Variants in NUDT3 observed in about 807,000 individuals in gnomAD.
The protein encoded by NUDT3 is nudix hydrolase 3, also known as diphosphoinositol polyphosphate phosphohydrolase 1.
Under a neutral mutation model 23.6 loss-of-function variants are expected in NUDT3, and 9 were observed. The observed-to-expected ratio is 0.38, with a 90% confidence interval of 0.23 to 0.66. The LOEUF is 0.66. NUDT3 is among the 30% of genes least tolerant of loss of function. The pLI is 0.52. For missense variants in NUDT3, 172 were observed against 218.5 expected (o/e 0.79, Z 1.34); for synonymous variants, 86 against 82.6 (o/e 1.04, Z -0.22).
At chr6:34,388,301 T>C (rs930987640) in intron 1 of NUDT3, among the ~76,000 whole-genome samples, 3 of 152,212 alleles carry the variant, frequency 2.0e-5, no homozygotes, top group African/African-American at 7.2e-5. Flanking sequence ...TTTCATCTCT[T>C]TTTCTTCACA....
chr6:34,347,650 T>C (rs1248399414), intron 1 of NUDT3, among the ~76,000 whole-genome samples: 1 of 152,212 alleles, frequency 6.6e-6, no homozygotes. Flanking sequence ...AGGAACACCA[T>C]TGTTTTATTT....
At chr6:34,312,150 C>A (rs1361769256) in intron 2 of NUDT3, among the ~76,000 whole-genome samples, 2 of 152,004 alleles carry the variant, frequency 1.3e-5, no homozygotes, top group Non-Finnish European at 2.9e-5. Flanking sequence ...ACCTGTAATC[C>A]CAGTACTTTG....
At chr6:34,388,573 C>T (rs934533318) in intron 1 of NUDT3, among the ~76,000 whole-genome samples, 1 of 152,108 alleles carries the variant, frequency 6.6e-6, no homozygotes, top group Non-Finnish European at 1.5e-5. Flanking sequence ...AAATTACTTC[C>T]CTTCCAACAT....
intron 1 of NUDT3, among the ~76,000 whole-genome samples, chr6:34,348,104 C>T (rs1764407287): frequency 6.6e-6 from 1 of 151,706 alleles, no homozygotes; most frequent in Non-Finnish European, 1.5e-5. Flanking sequence ...TTCAAGACCC[C>T]GTCTCTACAA....
intron 1 of NUDT3, among the ~76,000 whole-genome samples, chr6:34,358,153 G>T (rs1480250225): frequency 6.6e-6 from 1 of 151,772 alleles, no homozygotes; most frequent in African/African-American, 2.4e-5. Context: ...GGTTTCATGG[G>T]GCTAACATCA....
chr6:34,330,826 G>T (rs915917260), intron 2 of NUDT3, among the ~76,000 whole-genome samples: 2 of 152,118 alleles, frequency 1.3e-5, no homozygotes, highest in East Asian at 1.9e-4. Context: ...AAAAAGAAAA[G>T]AAAATACAAA....
chr6:34,325,802 GTAAAAA>G (rs1239077373), intron 2 of NUDT3, among the ~76,000 whole-genome samples: 1 of 152,120 alleles, frequency 6.6e-6, no homozygotes, highest in Non-Finnish European at 1.5e-5. Context: ...TTCTTATCAA[GTAAAAA>G]TAAAGACACG....
intron 1 of NUDT3, among the ~76,000 whole-genome samples, chr6:34,348,315 C>T (rs1346425627): frequency 1.6e-5 from 2 of 124,020 alleles, no homozygotes; most frequent in Non-Finnish European, 3.8e-5. Context: ...ACAGAAACCG[C>T]CCCCCACCAA....
At chr6:34,363,914 A>G (rs1283313347) in intron 1 of NUDT3, among the ~76,000 whole-genome samples, 1 of 152,022 alleles carries the variant, frequency 6.6e-6, no homozygotes, top group African/African-American at 2.4e-5. Context: ...CTGGGATTAC[A>G]GGCACCCACC....
intron 1 of NUDT3, among the ~76,000 whole-genome samples, chr6:34,368,975 T>C (rs1764786231): frequency 6.6e-6 from 1 of 152,152 alleles, no homozygotes; most frequent in African/African-American, 2.4e-5. Context: ...TCATTGTCTG[T>C]TTTCTGGAGT....
intron 4 of NUDT3, 130 bp from the exon 5 acceptor site, chr6:34,289,061 A>G: frequency 1.2e-5 from 14 of 1,168,558 alleles, no homozygotes; most frequent in Non-Finnish European, 1.6e-5. Flanking sequence ...AAATAACTCA[A>G]GCACACTTCA....
chr6:34,379,172 T>C (rs1001787900), intron 1 of NUDT3, among the ~76,000 whole-genome samples: 3 of 152,206 alleles, frequency 2.0e-5, no homozygotes, highest in African/African-American at 7.2e-5. Context: ...AGTATTTGTT[T>C]AGTTTTCAAT....
chr6:34,345,697 G>C (rs1006366157), intron 1 of NUDT3, among the ~76,000 whole-genome samples: 11 of 149,380 alleles, frequency 7.4e-5, no homozygotes, highest in South Asian at 4.3e-4. Flanking sequence ...GGGACTCAGT[G>C]CTACTACTTT....
At chr6:34,376,914 C>T (rs1404371441) in intron 1 of NUDT3, among the ~76,000 whole-genome samples, 2 of 152,166 alleles carry the variant, frequency 1.3e-5, no homozygotes, top group Non-Finnish European at 2.9e-5. Context: ...ACCACTATCC[C>T]AGACCCAGGT....
intron 3 of NUDT3, among the ~76,000 whole-genome samples, chr6:34,294,035 T>G (rs1250022536): frequency 6.6e-6 from 1 of 151,988 alleles, no homozygotes; most frequent in East Asian, 1.9e-4. Context: ...TCACCTACGG[T>G]AGAGCGCAGT....
chr6:34,380,966 C>T (rs1206196505), intron 1 of NUDT3, among the ~76,000 whole-genome samples: 1 of 152,126 alleles, frequency 6.6e-6, no homozygotes, highest in African/African-American at 2.4e-5. Context: ...AAGGCTTCTC[C>T]AATTCCTATA....
chr6:34,289,953 G>GCT (rs1276588447), intron 4 of NUDT3, among the ~76,000 whole-genome samples: 1 of 152,116 alleles, frequency 6.6e-6, no homozygotes, highest in African/African-American at 2.4e-5. Flanking sequence ...GACCAGCTCT[G>GCT]CTAGAGTGTT....
At chr6:34,381,118 G>A (rs1200067170) in intron 1 of NUDT3, among the ~76,000 whole-genome samples, 1 of 152,130 alleles carries the variant, frequency 6.6e-6, no homozygotes, top group Non-Finnish European at 1.5e-5. Flanking sequence ...CCACGCTCCA[G>A]TGATCCTCCC....
At position 34,392,231 on chromosome 6, in the gene NUDT3, G is replaced by A. The variant is rs1420494796; in HGVS notation, c.99+33C>T. Reference sequence around the variant, plus strand: ...CTCCACCCGAAGGGGCCGGAGACCCGGCGACCCCGGCCCGCCCAGCCTGCC... The same window carrying A: ...CTCCACCCGAAGGGGCCGGAGACCCAGCGACCCCGGCCCGCCCAGCCTGCC... On this transcript the variant is annotated intron_variant, in intron 1 of 4. Transcript: ENST00000607016. 5.9e-6 allele frequency: 9 copies of A among 1,526,036 alleles called. 1 individual carries two copies. Among genetic ancestry groups the A allele is most frequent in the Middle Eastern group, 4.0e-4 (2 of 4,990 alleles). The allele number at this position is 1,526,036 out of a possible 1,614,324, so 94.5% of individuals were successfully genotyped here. A position where few individuals can be genotyped will look rare whatever the true frequency, so the allele number is the denominator to read the frequency against.
Sources: gnomAD v4.1 joint callset for allele counts (sites outside exome capture counted in the v4.1 genomes callset) on GRCh38, gnomAD v4.1.1 for gene constraint, MANE v1.5 for transcripts, NCBI Gene and HGNC (gene_info 2026-07-23, HGNC 2026-07-21) for gene names.